Variants in PRCP observed in about 807,000 individuals in gnomAD.
PRCP encodes the protein prolylcarboxypeptidase.
A neutral mutation model predicts 54.2 loss-of-function variants in PRCP; 46 were observed. The observed-to-expected ratio is 0.85, with a 90% CI of 0.67 to 1.09. PRCP has a LOEUF of 1.09. PRCP is among the 50% of genes least tolerant of loss of function. The pLI is 0.00. For missense variants in PRCP, 613 were observed against 596.8 expected, an observed-to-expected ratio of 1.03 and a Z score of -0.28; for synonymous variants, 240 against 212.2, an observed-to-expected ratio of 1.13 and a Z score of -1.14.
chr11:82,884,715 A>G, intron 1 of PRCP: 1 of 1,494,112 alleles, frequency 6.7e-7, no homozygotes, highest in Non-Finnish European at 9.1e-7. Context: ...GAGAATTTGC[A>G]GACAGACCTG....
At chr11:82,898,017 C>T (rs747869968) in intron 1 of PRCP, among the ~76,000 whole-genome samples, 13 of 152,180 alleles carry the variant, frequency 8.5e-5, no homozygotes, top group Non-Finnish European at 1.9e-4. Context: ...ATTTCATGTG[C>T]TCTAACTTAA....
intron 8 of PRCP, chr11:82,830,653 A>C (rs867571748): frequency 6.6e-6 from 1 of 150,706 alleles, no homozygotes; most frequent in East Asian, 1.9e-4. Flanking sequence ...AAAAAAAAAA[A>C]AACTACACTC....
intron 1 of PRCP, among the ~76,000 whole-genome samples, chr11:82,886,715 C>G (rs1406728392): frequency 6.6e-6 from 1 of 152,182 alleles, no homozygotes; most frequent in Non-Finnish European, 1.5e-5. Context: ...CACTTATCAG[C>G]TGTGCAATCA....
intron 1 of PRCP, chr11:82,884,723 C>T (rs748130685): frequency 6.5e-7 from 1 of 1,547,302 alleles, no homozygotes; most frequent in Non-Finnish European, 8.8e-7. Flanking sequence ...GCAGACAGAC[C>T]TGACTTTCAG....
At chr11:82,889,552 G>A (rs564449714) in intron 1 of PRCP, among the ~76,000 whole-genome samples, 5 of 151,644 alleles carry the variant, frequency 3.3e-5, no homozygotes, top group South Asian at 4.2e-4. Context: ...AGCAGAAGAC[G>A]CAGCAGCAGG....
chr11:82,900,213 C>T lies in PRCP; in HGVS notation c.168+22G>A, dbSNP rs375078687. 55 of 1,612,622 alleles carry T rather than the reference C, an allele frequency of 3.4e-5. No homozygotes were observed. The African/African-American group carries it at 6.9e-4, about 20-fold the overall frequency. On this transcript the variant is annotated intron_variant, in intron 1 of 8. Transcript: ENST00000313010. ...TTCCCGGCGGTTGGGCCTGGGACGG[C>T]GAAGCCCCCGCTCCCCCTTACCTTC... is the stretch of plus-strand genomic sequence containing the variant.
chr11:82,868,831 T>A (rs181282359), intron 1 of PRCP, among the ~76,000 whole-genome samples: 1 of 151,650 alleles, frequency 6.6e-6, no homozygotes, highest in Non-Finnish European at 1.5e-5. Context: ...AGGCCAGGAG[T>A]TCGAGACCAG....
chr11:82,827,546 C>G (rs1332418354), intron 8 of PRCP: 1 of 152,158 alleles, frequency 6.6e-6, no homozygotes, highest in African/African-American at 2.4e-5. Flanking sequence ...TGTCTTGCCA[C>G]TTTTGTTAAA....
chr11:82,838,442 T>C lies in PRCP; in HGVS notation c.1219A>G (p.Ile407Val). ...TTTTTGCCTCCATACATAGTAGTGATCCAGGAGGGCCTTGGTCTCACACCC... is the reference window on the plus strand; with the variant it reads ...TTTTTGCCTCCATACATAGTAGTGACCCAGGAGGGCCTTGGTCTCACACCC... Reference protein sequence around the residue: ...QWGVRPRPSWITTMYGGKNIS... With the variant: ...QWGVRPRPSWVTTMYGGKNIS... Residue 407 changes from isoleucine to valine, a missense_variant, in exon 8 of 9, where the codon ATC (isoleucine) becomes GTC (valine). Transcript: ENST00000313010. The C allele has an allele frequency of 1.2e-6, 2 of 1,614,044 alleles. No homozygotes were observed. Among genetic ancestry groups the C allele is most frequent in the Non-Finnish European group, 1.7e-6 (2 of 1,179,942 alleles).
At chr11:82,869,430 T>G (rs1439951485) in intron 1 of PRCP, among the ~76,000 whole-genome samples, 2 of 130,524 alleles carry the variant, frequency 1.5e-5, no homozygotes, top group Non-Finnish European at 3.3e-5. Flanking sequence ...AAGAAAGCGG[T>G]ATAGAGAGAC....
chr11:82,840,341 T>C (rs1303276465), intron 6 of PRCP: 1 of 152,170 alleles, frequency 6.6e-6, no homozygotes, highest in East Asian at 1.9e-4. Context: ...GTGTATTTCA[T>C]GGTATCTAGA....
chr11:82,860,403 A>G lies in PRCP; in HGVS notation c.169-286T>C, dbSNP rs565091320. ...AATAGCTACTTAAAAACATAATGTT[A>G]AAATTGAATTGTAAATACAATGTGA... On this transcript the variant is annotated intron_variant, in intron 1 of 8. Coordinates refer to ENST00000313010, the MANE Select transcript of PRCP (RefSeq NM_005040.4). 2.6e-5 allele frequency among the ~76,000 whole-genome samples: 4 copies of G among 152,236 alleles called. No individual in the cohort carries two copies. The South Asian group carries it at 6.2e-4, about 24-fold the overall frequency.
At chr11:82,839,485 T>G in intron 6 of PRCP, 60 bp from the exon 7 acceptor site, 1 of 1,480,074 alleles carries the variant, frequency 6.8e-7, no homozygotes, top group South Asian at 1.2e-5. Context: ...AATGACAGTT[T>G]AATAACACAA....
chr11:82,890,411 T>G (rs1859977215), intron 1 of PRCP, among the ~76,000 whole-genome samples: 1 of 152,124 alleles, frequency 6.6e-6, no homozygotes, highest in Non-Finnish European at 1.5e-5. Flanking sequence ...TAACCCAGTT[T>G]GACTATGGTC....
chr11:82,847,513 G>A (rs1269951652), intron 6 of PRCP, among the ~76,000 whole-genome samples: 1 of 152,170 alleles, frequency 6.6e-6, no homozygotes, highest in African/African-American at 2.4e-5. Flanking sequence ...AAAGTAATAT[G>A]GACAGATAAA....
intron 5 of PRCP, 116 bp downstream of exon 5, chr11:82,849,798 T>C: frequency 1.0e-6 from 1 of 952,834 alleles, no homozygotes; most frequent in Non-Finnish European, 1.4e-6. Context: ...TTTGTATAAT[T>C]TTCTGTATGT....
At chr11:82,856,756 A>T (rs1214504681) in intron 2 of PRCP, among the ~76,000 whole-genome samples, 4 of 148,700 alleles carry the variant, frequency 2.7e-5, no homozygotes, top group South Asian at 2.1e-4. Context: ...TTTCAACTTT[A>T]AAAAAAAATG....
chr11:82,824,878 G>C lies in PRCP; in HGVS notation c.*28C>G. ...GGAATGTGGTGGTGTGAACATAAAA[G>C]AAGAAATTGAAAACAATCAAAAGTT... On this transcript the variant is annotated 3_prime_UTR_variant, in exon 9 of 9. Transcript: ENST00000313010. The C allele has an allele frequency of 6.3e-7, 1 of 1,585,972 alleles. No individual in the cohort carries two copies. The highest frequency in any genetic ancestry group is 8.6e-7 in the Non-Finnish European group (1 of 1,158,604).
Position 82,840,112 on chromosome 11 carries a change from A to G in PRCP, c.922-687T>C, listed in dbSNP as rs189009173. On this transcript the variant is annotated intron_variant, in intron 6 of 8. Coordinates refer to ENST00000313010, the MANE Select transcript of PRCP (RefSeq NM_005040.4). Reference sequence around the variant, plus strand: ...TGGAAAAACTATACCAAGTTCCAGCATCTGTCGTGTGATAAAAAGCATATG... The same window carrying G: ...TGGAAAAACTATACCAAGTTCCAGCGTCTGTCGTGTGATAAAAAGCATATG... 2.6e-5 allele frequency: 4 copies of G among 152,200 alleles called. No homozygotes were observed. The East Asian group carries it at 7.7e-4, about 29-fold the overall frequency. 9.4% of individuals were successfully genotyped at this position (152,200 alleles called of 1,614,324 possible).
Sources: allele counts gnomAD v4.1 joint callset (sites outside exome capture counted in the v4.1 genomes callset), GRCh38; gene constraint gnomAD v4.1.1; transcripts MANE v1.5; gene names NCBI Gene and HGNC (gene_info 2026-07-23, HGNC 2026-07-21).